RBM27: variants seen among roughly 807,000 people sequenced by gnomAD.
RBM27 encodes the protein RNA binding motif protein 27, also known as RNA-binding protein 27.
Under a neutral mutation model 135.3 loss-of-function variants are expected in RBM27, and 22 were observed. The observed-to-expected ratio is 0.16, with a 90% CI of 0.12 to 0.23. The LOEUF is 0.23. RBM27 is among the 10% of genes least tolerant of loss of function. The pLI, the probability that RBM27 is intolerant of heterozygous loss-of-function variation, is 1.00. For missense variants in RBM27, 1,009 were observed against 1,281.0 expected (o/e 0.79, Z 3.24); for synonymous variants, 481 against 442.4 (o/e 1.09, Z -1.10).
At chr5:146,259,846 G>A (rs372253861) in intron 11 of RBM27, among the ~76,000 whole-genome samples, 2 of 150,392 alleles carry the variant, frequency 1.3e-5, no homozygotes, top group South Asian at 2.1e-4. Context: ...AGTGGCGGGC[G>A]CCTGTAGTCC....
chr5:146,266,485 A>T (rs1043021215), intron 14 of RBM27, among the ~76,000 whole-genome samples: 4 of 152,206 alleles, frequency 2.6e-5, no homozygotes, highest in African/African-American at 9.6e-5. Context: ...CACATGCAGG[A>T]CTTTCCTGTG....
At chr5:146,256,947 T>C (rs904557733) in intron 10 of RBM27, among the ~76,000 whole-genome samples, 1 of 152,184 alleles carries the variant, frequency 6.6e-6, no homozygotes, top group Admixed American at 6.5e-5. Flanking sequence ...ATAAAAACTA[T>C]TTAAGGAGAA....
At position 146,269,296 on chromosome 5, in the gene RBM27, C is replaced by T. The variant is rs758266754; in HGVS notation, c.2526+15C>T. 35 of 1,572,102 alleles carry T rather than the reference C, an allele frequency of 2.2e-5. No individual in the cohort carries two copies. The highest frequency in any genetic ancestry group is 2.9e-5 in the Non-Finnish European group (33 of 1,150,030). On this transcript the variant is annotated intron_variant, in intron 16 of 20. Coordinates refer to ENST00000265271, the MANE Select transcript of RBM27 (RefSeq NM_018989.2). ...AATGCCAAAAGGTAAGACAAGAGCT[C>T]ATTATTTGCATGCTAGAATTGATGT...
chr5:146,258,392 A>G, intron 10 of RBM27, 57 bp from the exon 11 acceptor site: 1 of 1,383,682 alleles, frequency 7.2e-7, no homozygotes, highest in African/African-American at 1.5e-5. Flanking sequence ...TAGACTAAAT[A>G]TATTAATCAT....
At chr5:146,263,444 C>T in intron 13 of RBM27, 47 bp from the exon 14 acceptor site, 1 of 1,553,972 alleles carries the variant, frequency 6.4e-7, no homozygotes, top group Non-Finnish European at 8.8e-7. Context: ...CATTTCTAGG[C>T]ATGTTTTTAA....
At chr5:146,254,860 G>A in intron 9 of RBM27, 83 bp from the exon 10 acceptor site, 1 of 1,212,654 alleles carries the variant, frequency 8.2e-7, no homozygotes, top group Middle Eastern at 2.5e-4. Flanking sequence ...TGTTTTTTAA[G>A]CAGTTGTTTA....
At chr5:146,230,516 AAGAGAGG>A in intron 5 of RBM27, 134 bp from the exon 6 acceptor site, 1 of 854,690 alleles carries the variant, frequency 1.2e-6, no homozygotes, top group Non-Finnish European at 1.8e-6. Context: ...TATATTAATA[AAGAGAGG>A]AGTATGAAAT....
At chr5:146,224,702 A>G (rs1337365670) in intron 3 of RBM27, among the ~76,000 whole-genome samples, 1 of 151,898 alleles carries the variant, frequency 6.6e-6, no homozygotes, top group Non-Finnish European at 1.5e-5. Context: ...AAAAAAAATT[A>G]CGAGAATAAT....
chr5:146,244,023 T>C (rs563235489), intron 8 of RBM27, among the ~76,000 whole-genome samples: 1 of 152,242 alleles, frequency 6.6e-6, no homozygotes, highest in South Asian at 2.1e-4. Context: ...TTACAGTATA[T>C]TTTGCTATTA....
chr5:146,223,526 A>G lies in RBM27; in HGVS notation c.302A>G (p.Glu101Gly). ...LVQEKEEIKE[E>G]VFQEPAEEER... Reference sequence around the variant, plus strand: ...CAAGAAAAAGAAGAAATTAAAGAAGAGGTAATGCAAATTTTTTCTCCTGCT... The same window carrying G: ...CAAGAAAAAGAAGAAATTAAAGAAGGGGTAATGCAAATTTTTTCTCCTGCT... Residue 101 changes from glutamate (E) to glycine (G), a missense_variant and splice_region_variant, in exon 3 of 21, where the codon GAG (glutamate) becomes GGG (glycine). Around this residue, in one of 6 missense-constraint regions of RBM27, gnomAD observed 268 missense variants for 326.6 expected, o/e 0.82. Coordinates refer to ENST00000265271, the MANE Select transcript of RBM27 (RefSeq NM_018989.2). The G allele has an allele frequency of 1.3e-6, 2 of 1,595,418 alleles. No individual in the cohort carries two copies. The highest frequency in any genetic ancestry group is 1.7e-6 in the Non-Finnish European group (2 of 1,175,076).
chr5:146,281,223 T>A (rs1759339760), intron 19 of RBM27, among the ~76,000 whole-genome samples: 1 of 152,178 alleles, frequency 6.6e-6, no homozygotes, highest in South Asian at 2.1e-4. Flanking sequence ...GGCCCCCGAA[T>A]GTAGTTCTAA....
At chr5:146,252,336 C>G (rs972001842) in intron 9 of RBM27, among the ~76,000 whole-genome samples, 16 of 152,224 alleles carry the variant, frequency 1.1e-4, no homozygotes, top group Middle Eastern at 3.4e-3. Context: ...ACTCTTTTCT[C>G]CTATTGACAT....
chr5:146,279,807 C>CAA (rs766177641), intron 19 of RBM27, among the ~76,000 whole-genome samples: 7 of 55,202 alleles, frequency 1.3e-4, no homozygotes, highest in African/African-American at 4.8e-4. Flanking sequence ...GACTCTGTCT[C>CAA]AAAAAAAAAA....
Position 146,269,591 on chromosome 5 carries a change from A to T in RBM27, c.2691+7A>T. On this transcript the variant is annotated splice_region_variant and intron_variant, in intron 17 of 20. Transcript: ENST00000265271. Reference sequence around the variant, plus strand: ...AGTGAAGACAAAAACGGAGGTATCTATTTGCATTTTTTATTTAACATAGGG... The same window carrying T: ...AGTGAAGACAAAAACGGAGGTATCTTTTTGCATTTTTTATTTAACATAGGG... 6.6e-7 allele frequency: 1 copy of T among 1,518,660 alleles called. No individual in the cohort carries two copies. The highest frequency in any genetic ancestry group is 8.8e-7 in the Non-Finnish European group (1 of 1,140,680). 94.1% of individuals were successfully genotyped at this position (1,518,660 alleles called of 1,614,324 possible).
At chr5:146,211,365 A>G (rs1411912262) in intron 1 of RBM27, among the ~76,000 whole-genome samples, 1 of 152,028 alleles carries the variant, frequency 6.6e-6, no homozygotes, top group Non-Finnish European at 1.5e-5. Flanking sequence ...TTTTCATTTG[A>G]AAAAAAGTAG....
chr5:146,207,167 TA>T (rs1481976704), intron 1 of RBM27, among the ~76,000 whole-genome samples: 3 of 152,132 alleles, frequency 2.0e-5, no homozygotes, highest in Non-Finnish European at 4.4e-5. Flanking sequence ...TTTGAGATAG[TA>T]TAGTTGCACC....
At chr5:146,228,917 T>C in intron 3 of RBM27, 29 bp from the exon 4 acceptor site, 1 of 1,597,354 alleles carries the variant, frequency 6.3e-7, no homozygotes, top group Non-Finnish European at 8.6e-7. Context: ...CTGGCCCTGC[T>C]CTTACTTCTA....
In RBM27 at chr5:146,220,542, G is replaced by T. The variant is rs531903451; in HGVS notation, c.178+1439G>T. On this transcript the variant is annotated intron_variant, in intron 2 of 20. Coordinates refer to ENST00000265271, the MANE Select transcript of RBM27 (RefSeq NM_018989.2). Reference sequence around the variant, plus strand: ...TAGTTGAATGGATGAATAGGAATGTGAATAATACACATTTATCAGTTGATT... The same window carrying T: ...TAGTTGAATGGATGAATAGGAATGTTAATAATACACATTTATCAGTTGATT... 7.3e-5 allele frequency among the ~76,000 whole-genome samples: 11 copies of T among 150,598 alleles called. No individual in the cohort carries two copies. In the South Asian group the frequency reaches 2.1e-3, roughly 29 times the overall value.
intron 6 of RBM27, among the ~76,000 whole-genome samples, chr5:146,231,430 A>G (rs761228761): frequency 3.3e-5 from 5 of 151,516 alleles, no homozygotes; most frequent in East Asian, 3.9e-4. Flanking sequence ...GTTAAAAGGG[A>G]TGAATGGGGA....
Sources: allele counts gnomAD v4.1 joint callset (sites outside exome capture counted in the v4.1 genomes callset), GRCh38; gene constraint gnomAD v4.1.1; regional missense constraint gnomAD v4.1.1; transcripts MANE v1.5; gene names NCBI Gene and HGNC (gene_info 2026-07-23, HGNC 2026-07-21).